The following NKAIN3 variants were observed in gnomAD, a reference collection of about 807,000 sequenced individuals.
The protein encoded by NKAIN3 is sodium/potassium-transporting ATPase subunit beta-1-interacting protein 3.
In NKAIN3, 25 loss-of-function variants were observed where a neutral mutation model predicts 30.2. The ratio of observed to expected loss-of-function variants is 0.83; its 90% confidence interval spans 0.60 to 1.16. The LOEUF is 1.16. Ranked by LOEUF, NKAIN3 falls within the 50% of genes most tolerant of loss-of-function variation. The pLI is 0.00. For missense variants in NKAIN3, 225 were observed against 254.1 expected (o/e 0.89, Z 0.78); for synonymous variants, 91 against 89.6 (o/e 1.02, Z -0.09).
At chr8:62,535,688 C>T (rs1264631610) in intron 1 of NKAIN3, among the ~76,000 whole-genome samples, 3 of 152,138 alleles carry the variant, frequency 2.0e-5, no homozygotes, top group Admixed American at 2.0e-4. Context: ...AGCTTCCATA[C>T]CCTCCCTGGG....
chr8:62,655,447 G>T (rs565625692), intron 3 of NKAIN3, among the ~76,000 whole-genome samples: 1 of 152,110 alleles, frequency 6.6e-6, no homozygotes, highest in Non-Finnish European at 1.5e-5. Flanking sequence ...AGGCCATTTA[G>T]GAGGCTGTGG....
At chr8:62,601,831 G>A (rs1234086962) in intron 3 of NKAIN3, among the ~76,000 whole-genome samples, 2 of 152,030 alleles carry the variant, frequency 1.3e-5, no homozygotes, top group South Asian at 4.1e-4. Context: ...ATATAGGTGT[G>A]AGTTTCCTAT....
chr8:62,643,019 GT>G (rs1405115995), intron 3 of NKAIN3, among the ~76,000 whole-genome samples: 2 of 152,160 alleles, frequency 1.3e-5, no homozygotes, highest in African/African-American at 4.8e-5. Flanking sequence ...GCATTTTTTG[GT>G]TCTAGAAATA....
intron 1 of NKAIN3, among the ~76,000 whole-genome samples, chr8:62,307,282 A>C (rs1814277299): frequency 6.7e-6 from 1 of 149,398 alleles, no homozygotes; most frequent in Non-Finnish European, 1.5e-5. Flanking sequence ...AAAAAAAAAA[A>C]AAATTCTGAA....
chr8:62,818,585 T>C (rs180987092), intron 4 of NKAIN3, among the ~76,000 whole-genome samples: 1 of 152,266 alleles, frequency 6.6e-6, no homozygotes, highest in East Asian at 1.9e-4. Context: ...CAAATTCTTT[T>C]GAAGCACCAA....
chr8:62,994,693 G>A (rs1182663139), intron 5 of NKAIN3, among the ~76,000 whole-genome samples: 1 of 152,156 alleles, frequency 6.6e-6, no homozygotes, highest in African/African-American at 2.4e-5. Context: ...AAGGGAATTT[G>A]ACTAAGGCAT....
chr8:62,554,852 C>G (rs1809334062), intron 1 of NKAIN3, among the ~76,000 whole-genome samples: 2 of 152,102 alleles, frequency 1.3e-5, no homozygotes, highest in African/African-American at 4.8e-5. Context: ...CACTTCCACC[C>G]CTGATAACCA....
chr8:62,295,496 C>A (rs1813795805), intron 1 of NKAIN3, among the ~76,000 whole-genome samples: 1 of 152,030 alleles, frequency 6.6e-6, no homozygotes, highest in African/African-American at 2.4e-5. Context: ...TGAACTAGAG[C>A]AAAATAACAA....
At chr8:62,551,125 G>A (rs1470847895) in intron 1 of NKAIN3, among the ~76,000 whole-genome samples, 1 of 152,136 alleles carries the variant, frequency 6.6e-6, no homozygotes, top group African/African-American at 2.4e-5. Context: ...ATAATACGAA[G>A]AGAGAAAACT....
chr8:62,531,194 C>A (rs1033500875), intron 1 of NKAIN3, among the ~76,000 whole-genome samples: 5 of 152,164 alleles, frequency 3.3e-5, no homozygotes, highest in African/African-American at 1.2e-4. Flanking sequence ...ATACTCCTGG[C>A]CACATCTACA....
intron 1 of NKAIN3, among the ~76,000 whole-genome samples, chr8:62,549,882 A>G (rs764921321): frequency 6.7e-6 from 1 of 150,092 alleles, no homozygotes; most frequent in African/African-American, 2.5e-5. Context: ...GAGAAGCCCA[A>G]TACTCATGAA....
intron 1 of NKAIN3, among the ~76,000 whole-genome samples, chr8:62,365,998 C>A (rs535700492): frequency 1.3e-5 from 2 of 152,270 alleles, no homozygotes; most frequent in African/African-American, 4.8e-5. Flanking sequence ...TTAAATGTTT[C>A]ATAGAATTCA....
At chr8:62,882,436 A>G (rs55961107) in intron 4 of NKAIN3, among the ~76,000 whole-genome samples, 43,807 of 151,918 alleles carry the variant, frequency 0.29, 6,601 homozygotes, top group African/African-American at 0.35. Flanking sequence ...TCCTGCCTCA[A>G]TCCCCCTAGT....
At chr8:62,258,380 C>T (rs1812324911) in intron 1 of NKAIN3, among the ~76,000 whole-genome samples, 1 of 152,172 alleles carries the variant, frequency 6.6e-6, no homozygotes, top group Non-Finnish European at 1.5e-5. Flanking sequence ...GGCATAGTGT[C>T]TCAGACCTGT....
intron 1 of NKAIN3, among the ~76,000 whole-genome samples, chr8:62,466,716 A>G (rs149777188): frequency 6.6e-6 from 1 of 152,188 alleles, no homozygotes; most frequent in African/African-American, 2.4e-5. Context: ...ACAAAGATGA[A>G]TTCTGCCATA....
At chr8:62,836,602 C>T (rs1402235477) in intron 4 of NKAIN3, among the ~76,000 whole-genome samples, 33 of 152,098 alleles carry the variant, frequency 2.2e-4, no homozygotes, top group Admixed American at 2.2e-3. Flanking sequence ...GCAGTAGCTC[C>T]TCTTGTCAAG....
rs960949412 is a variant in NKAIN3, at chr8:62,970,620, G to A, written c.*5213G>A. On this transcript the variant is annotated 3_prime_UTR_variant, in exon 7 of 7. Transcript: ENST00000623646. ...GAAGAAAAGAATAGAAGGTAGAAAG[G>A]AAGGGAGAGGAAAATGGAGAGAAGA... Among the ~76,000 whole-genome samples the A allele has an allele frequency of 9.9e-5, 15 of 152,142 alleles. No homozygotes were observed. The highest frequency in any genetic ancestry group is 3.6e-4 in the African/African-American group (15 of 41,438).
chr8:62,507,197 A>G (rs117322827), intron 1 of NKAIN3, among the ~76,000 whole-genome samples: 1 of 152,278 alleles, frequency 6.6e-6, no homozygotes, highest in East Asian at 1.9e-4. Flanking sequence ...CAAAATTGAA[A>G]CAATCTTGGA....
chr8:62,850,582 GT>G (rs1387202535), intron 4 of NKAIN3, among the ~76,000 whole-genome samples: 7 of 152,056 alleles, frequency 4.6e-5, no homozygotes, highest in African/African-American at 7.2e-5. Flanking sequence ...GGTTTTTATG[GT>G]TTTAGGTCTA....
Sources: gnomAD v4.1 joint callset for allele counts (sites outside exome capture counted in the v4.1 genomes callset) on GRCh38, gnomAD v4.1.1 for gene constraint, MANE v1.5 for transcripts, NCBI Gene and HGNC (gene_info 2026-07-23, HGNC 2026-07-21) for gene names.